MRTFA: variants seen among roughly 807,000 people sequenced by gnomAD.
The protein encoded by MRTFA is myocardin-related transcription factor A.
In MRTFA, 20 loss-of-function variants were observed where a neutral mutation model predicts 83.5. The ratio of observed to expected loss-of-function variants is 0.24; its 90% CI spans 0.17 to 0.35. The LOEUF (loss-of-function observed/expected upper bound fraction) is 0.35, where lower values mean the gene tolerates loss of function less well. Ranked by LOEUF, MRTFA falls within the 10% of genes least tolerant of loss-of-function variation. The probability of loss-of-function intolerance (pLI) is 1.00; values close to 1 mark genes in which losing one functional copy is unlikely to be tolerated. For synonymous variants in MRTFA, 659 were observed against 541.2 expected (o/e 1.22, Z -3.02); for missense variants, 1,200 against 1,224.7 (o/e 0.98, Z 0.30).
chr22:40,489,305 C>T (rs546645609), intron 3 of MRTFA, among the ~76,000 whole-genome samples: 237 of 151,036 alleles, frequency 1.6e-3, no homozygotes, highest in African/African-American at 5.5e-3. Flanking sequence ...AAAATGACAG[C>T]AATTAAAAAA....
intron 1 of MRTFA, among the ~76,000 whole-genome samples, chr22:40,609,912 T>C (rs1056459248): frequency 2.0e-5 from 3 of 152,162 alleles, no homozygotes; most frequent in Admixed American, 6.5e-5. Context: ...TCCTCTTTAA[T>C]ATATTAATTC....
chr22:40,436,949 G>C (rs2053182235), intron 4 of MRTFA, among the ~76,000 whole-genome samples: 1 of 148,698 alleles, frequency 6.7e-6, no homozygotes, highest in South Asian at 2.1e-4. Context: ...ACCCCCAGCG[G>C]GGGGCTGGGC....
At chr22:40,429,967 G>A (rs948408518) in intron 6 of MRTFA, among the ~76,000 whole-genome samples, 200 bp from the exon 7 acceptor site, 3 of 152,076 alleles carry the variant, frequency 2.0e-5, no homozygotes, top group Admixed American at 2.0e-4. Flanking sequence ...ACCAGGCAGT[G>A]CACAGTCACA....
At chr22:40,605,021 C>T (rs2056302828) in intron 1 of MRTFA, among the ~76,000 whole-genome samples, 1 of 152,044 alleles carries the variant, frequency 6.6e-6, no homozygotes. Context: ...AATTAAACCC[C>T]AAAACACGAA....
chr22:40,539,017 CAA>C (rs1042620056), intron 3 of MRTFA, among the ~76,000 whole-genome samples: 6 of 96,494 alleles, frequency 6.2e-5, no homozygotes, highest in Non-Finnish European at 9.4e-5. Context: ...TTTTTTGAGA[CAA>C]AGTCTCACTC....
chr22:40,517,725 T>G (rs1334390729), intron 3 of MRTFA, among the ~76,000 whole-genome samples: 1 of 152,198 alleles, frequency 6.6e-6, no homozygotes, highest in Non-Finnish European at 1.5e-5. Context: ...GGAGTCGTCT[T>G]TTGTTATTCA....
intron 3 of MRTFA, among the ~76,000 whole-genome samples, chr22:40,549,466 G>A (rs2055413268): frequency 6.6e-6 from 1 of 152,110 alleles, no homozygotes; most frequent in Admixed American, 6.5e-5. Context: ...ACCACCAACA[G>A]AATACACACT....
In MRTFA at chr22:40,411,686, G is replaced by A; in HGVS notation, c.2800C>T (p.Pro934Ser). The A allele has an allele frequency of 6.3e-7, 1 of 1,599,346 alleles. No homozygotes were observed. The highest frequency in any genetic ancestry group is 8.5e-7 in the Non-Finnish European group (1 of 1,171,272). ...TCGTCAATGAGGGAAAGGGGCTCTG[G>A]CCCGTCATGCCCACTGGTCAGCAGG... Residue 934 changes from proline to serine, a missense_variant, in exon 15 of 15, where the codon CCA becomes TCA. Pro to Ser is a moderately conservative substitution (Grantham distance 74). This residue lies in a region of MRTFA where 1,107 missense variants were observed against 1,041.8 expected (regional missense o/e 1.06). Transcript: ENST00000355630.
chr22:40,412,017 C>T lies in MRTFA; in HGVS notation c.2579-110G>A, dbSNP rs758502757. The stretch of plus-strand genomic sequence containing the variant: ...CGTCACACCATTTACAAAAATAAAA[C>T]GGATCAAAGACTTACTTAAATGTAA... On this transcript the variant is annotated intron_variant, in intron 14 of 14. Coordinates refer to ENST00000355630, the MANE Select transcript of MRTFA (RefSeq NM_020831.6). The T allele has an allele frequency of 5.6e-5, 52 of 928,652 alleles. No individual in the cohort carries two copies. The East Asian group carries it at 1.2e-3, about 22-fold the overall frequency. The allele number at this position is 928,652 out of a possible 1,614,324, so 57.5% of individuals were successfully genotyped here. A position where few individuals can be genotyped will look rare whatever the true frequency, so the allele number is the denominator to read the frequency against.
rs139613292 is a variant in MRTFA at position 40,523,125 on chromosome 22, C to CAA, written c.241+28979_241+28980dup. Among the ~76,000 whole-genome samples the CAA allele has an allele frequency of 2.9e-3, 367 of 126,678 alleles. 2 individuals carry two copies. The highest frequency in any genetic ancestry group is 9.8e-3 in the African/African-American group (337 of 34,300). The allele number at this position is 126,678 out of a possible 152,430, so 83.1% of individuals were successfully genotyped here. On this transcript the variant is annotated intron_variant, in intron 3 of 14. Transcript: ENST00000355630. ...TTCTTTGAAAAATGAAGAAAAATGG[C>CAA]AAAAAAAAAAAAAAGTTGTCAAATT...
At chr22:40,508,847 C>CAAA (rs67844311) in intron 3 of MRTFA, among the ~76,000 whole-genome samples, 4 of 111,066 alleles carry the variant, frequency 3.6e-5, no homozygotes, top group Admixed American at 1.9e-4. Flanking sequence ...CTGCCTCTAC[C>CAAA]AAAAAAAAAA....
intron 3 of MRTFA, among the ~76,000 whole-genome samples, chr22:40,477,686 A>C (rs557706776): frequency 6.6e-6 from 1 of 152,024 alleles, no homozygotes; most frequent in Non-Finnish European, 1.5e-5. Flanking sequence ...CAACAAGATA[A>C]TTTATTCTGC....
At chr22:40,543,334 C>A (rs139570126) in intron 3 of MRTFA, among the ~76,000 whole-genome samples, 139 of 152,130 alleles carry the variant, frequency 9.1e-4, no homozygotes, top group African/African-American at 2.7e-3. Context: ...CAGTTCGTAC[C>A]CTTACAGAAA....
rs1602180147 is a variant in MRTFA, at chr22:40,410,293, G to C, written c.*1097C>G. On this transcript the variant is annotated 3_prime_UTR_variant, in exon 15 of 15. Coordinates refer to ENST00000355630, the MANE Select transcript of MRTFA (RefSeq NM_020831.6). ...GAATAAGATGGACTAACAGGCCTGTGTTTTTGTGTTTATTTTAAAAAGTTC... is the reference window on the plus strand; with the variant it reads ...GAATAAGATGGACTAACAGGCCTGTCTTTTTGTGTTTATTTTAAAAAGTTC... The C allele has an allele frequency of 1.1e-5, 6 of 566,952 alleles. No homozygotes were observed. In the East Asian group the frequency reaches 3.5e-4, roughly 33 times the overall value. The allele number at this position is 566,952 out of a possible 1,614,324, so 35.1% of individuals were successfully genotyped here.
At chr22:40,484,737 C>T (rs541983313) in intron 3 of MRTFA, among the ~76,000 whole-genome samples, 2 of 152,254 alleles carry the variant, frequency 1.3e-5, no homozygotes, top group South Asian at 2.1e-4. Context: ...AATTTAGATA[C>T]TCCTTCAACA....
chr22:40,586,708 C>T (rs747372502), intron 2 of MRTFA: 9 of 263,482 alleles, frequency 3.4e-5, no homozygotes, highest in Non-Finnish European at 6.7e-5. Context: ...GCTCATGCAG[C>T]AGGCTTCGTT....
intron 3 of MRTFA, among the ~76,000 whole-genome samples, chr22:40,514,931 C>CA (rs1321914627): frequency 1.4e-5 from 2 of 142,956 alleles, no homozygotes; most frequent in African/African-American, 5.2e-5. Flanking sequence ...TTTTTTGAGA[C>CA]AGAGTCTCAC....
intron 1 of MRTFA, among the ~76,000 whole-genome samples, chr22:40,625,306 A>C (rs5758024): frequency 0.54 from 81,172 of 151,110 alleles, 22,502 homozygotes; most frequent in East Asian, 0.88. Flanking sequence ...AGAGTGAGAC[A>C]CCTGTCCCTA....
chr22:40,523,728 A>G (rs1205824362), intron 3 of MRTFA: 1 of 152,218 alleles, frequency 6.6e-6, no homozygotes, highest in Admixed American at 6.5e-5. Flanking sequence ...GGTGATACAA[A>G]GGCTGCCAGA....
Sources: gnomAD v4.1 joint callset for allele counts (sites outside exome capture counted in the v4.1 genomes callset) on GRCh38, gnomAD v4.1.1 for gene constraint, gnomAD v4.1.1 regional missense constraint, MANE v1.5 for transcripts, NCBI Gene and HGNC (gene_info 2026-07-23, HGNC 2026-07-21) for gene names.